Variants in TRIM71 observed in about 807,000 individuals in gnomAD.
The protein encoded by TRIM71 is tripartite motif containing 71.
A neutral mutation model predicts 61.2 loss-of-function variants in TRIM71; 9 were observed. That is an observed-to-expected ratio of 0.15 (90% CI 0.09 to 0.26). The LOEUF (loss-of-function observed/expected upper bound fraction) is 0.26, where lower values mean the gene tolerates loss of function less well. TRIM71 is among the 10% of genes least tolerant of loss of function. The probability of loss-of-function intolerance (pLI) is 1.00; values close to 1 mark genes in which losing one functional copy is unlikely to be tolerated. For synonymous variants in TRIM71, 645 were observed against 553.2 expected (o/e 1.17, Z -2.33); for missense variants, 998 against 1,238.7 (o/e 0.81, Z 2.92).
Position 32,818,703 on chromosome 3 carries a change from C to T in TRIM71, c.623C>T (p.Ala208Val), listed in dbSNP as rs1436050046. 17 of 1,584,320 alleles carry T rather than the reference C, an allele frequency of 1.1e-5. No individual in the cohort carries two copies. The highest frequency in any genetic ancestry group is 1.3e-5 in the Non-Finnish European group (15 of 1,172,254). ...GCSSCDEGNA[A>V]SSRCLDCQEH... ...AGCTCGTGCGATGAGGGCAACGCAGCTTCTTCGCGCTGCCTCGACTGCCAG... is the reference window on the plus strand; with the variant it reads ...AGCTCGTGCGATGAGGGCAACGCAGTTTCTTCGCGCTGCCTCGACTGCCAG... The change falls in exon 1 of 4, where the codon GCT becomes GTT. Residue 208 changes from alanine to valine, a missense_variant. Coordinates refer to ENST00000383763, the MANE Select transcript of TRIM71 (RefSeq NM_001039111.3).
chr3:32,827,703 G>A (rs1418649976), intron 1 of TRIM71, among the ~76,000 whole-genome samples: 2 of 152,200 alleles, frequency 1.3e-5, no homozygotes, highest in East Asian at 3.8e-4. Flanking sequence ...TGTAGACTGA[G>A]GACATACCCT....
At chr3:32,820,347 CTTG>C (rs1246296797) in intron 1 of TRIM71, among the ~76,000 whole-genome samples, 1 of 152,204 alleles carries the variant, frequency 6.6e-6, no homozygotes, top group Non-Finnish European at 1.5e-5. Flanking sequence ...TTCTAATCTA[CTTG>C]TTGTAGGCAT....
intron 1 of TRIM71, among the ~76,000 whole-genome samples, chr3:32,832,547 C>G (rs1410331614): frequency 6.6e-6 from 1 of 152,140 alleles, no homozygotes; most frequent in Non-Finnish European, 1.5e-5. Flanking sequence ...GGGGAATAGT[C>G]AGGTGTGGTG....
intron 1 of TRIM71, among the ~76,000 whole-genome samples, chr3:32,866,329 A>G (rs764481558): frequency 2.6e-5 from 4 of 151,618 alleles, no homozygotes; most frequent in Non-Finnish European, 4.4e-5. Context: ...CCTCACTGCA[A>G]TCTCTGCCCC....
chr3:32,861,516 CCG>C (rs147323516), intron 1 of TRIM71, among the ~76,000 whole-genome samples: 2,545 of 151,926 alleles, frequency 0.017, 61 homozygotes, highest in East Asian at 0.12. Context: ...GAGGAACACT[CCG>C]GAGTTCAAGA....
intron 1 of TRIM71, among the ~76,000 whole-genome samples, chr3:32,830,415 G>A (rs887284980): frequency 1.3e-5 from 2 of 152,108 alleles, no homozygotes; most frequent in East Asian, 1.9e-4. Flanking sequence ...ATTTAGCAAG[G>A]GAGAAAGCTT....
intron 1 of TRIM71, among the ~76,000 whole-genome samples, chr3:32,862,642 T>G (rs1193242993): frequency 6.6e-6 from 1 of 152,214 alleles, no homozygotes; most frequent in African/African-American, 2.4e-5. Flanking sequence ...GCTGGAAAAC[T>G]TGTGTGTCTA....
At position 32,893,358 on chromosome 3, in the gene TRIM71, A is replaced by C. The variant is rs943900283; in HGVS notation, c.*1547A>C. 5 of 152,316 alleles carry C rather than the reference A, an allele frequency of 3.3e-5. No homozygotes were observed. Among genetic ancestry groups the C allele is most frequent in the Non-Finnish European group, 5.9e-5 (4 of 68,042 alleles). 9.4% of individuals were successfully genotyped at this position (152,316 alleles called of 1,614,324 possible). On this transcript the variant is annotated 3_prime_UTR_variant, in exon 4 of 4. Coordinates refer to ENST00000383763, the MANE Select transcript of TRIM71 (RefSeq NM_001039111.3). ...TGGGGTAGAATCTGTGTCACTTTAC[A>C]GGATTGGTTGGTTGTAAGCTGGACT...
Position 32,826,507 on chromosome 3 carries a change from T to G in TRIM71, c.852+7575T>G, listed in dbSNP as rs188238717. Among the ~76,000 whole-genome samples the G allele has an allele frequency of 9.9e-4, 151 of 151,872 alleles. No homozygotes were observed. The Middle Eastern group carries it at 0.027, about 27-fold the overall frequency. ...TTAGACTTAGGCTAATAGTTTTTTT[T>G]GTCATCCTTACTGTAGATTTTCTAC... On this transcript the variant is annotated intron_variant, in intron 1 of 3. Transcript: ENST00000383763.
At chr3:32,886,456 A>AGTTTTCC (rs1696962971) in intron 3 of TRIM71, among the ~76,000 whole-genome samples, 1 of 152,168 alleles carries the variant, frequency 6.6e-6, no homozygotes, top group African/African-American at 2.4e-5. Flanking sequence ...GTGGAAAACC[A>AGTTTTCC]GTTTTCCTCT....
intron 1 of TRIM71, among the ~76,000 whole-genome samples, chr3:32,850,182 T>C (rs1327552030): frequency 6.6e-6 from 1 of 152,244 alleles, no homozygotes; most frequent in East Asian, 1.9e-4. Context: ...TTTAAAATAC[T>C]AATCCTGTGG....
intron 1 of TRIM71, among the ~76,000 whole-genome samples, chr3:32,845,495 G>A (rs902606558): frequency 5.3e-5 from 8 of 152,156 alleles, no homozygotes; most frequent in Admixed American, 5.2e-4. Flanking sequence ...CCCTCTAGCG[G>A]GTTTGCAAGG....
intron 3 of TRIM71, among the ~76,000 whole-genome samples, chr3:32,887,517 C>G (rs1426572559): frequency 7.3e-6 from 1 of 136,444 alleles, no homozygotes; most frequent in African/African-American, 2.7e-5. Context: ...TCCTTCCCAG[C>G]AAATCCCTCT....
chr3:32,857,886 G>A (rs1463542379), intron 1 of TRIM71, among the ~76,000 whole-genome samples: 3 of 152,054 alleles, frequency 2.0e-5, no homozygotes, highest in Non-Finnish European at 4.4e-5. Context: ...CATGAGAATC[G>A]CTTGAACCCA....
Position 32,890,667 on chromosome 3 carries a change from A to T in TRIM71, c.1463A>T (p.Lys488Met). 6.2e-7 allele frequency: 1 copy of T among 1,613,968 alleles called. No individual in the cohort carries two copies. Among genetic ancestry groups the T allele is most frequent in the African/African-American group, 1.3e-5 (1 of 75,072 alleles). The change falls in exon 4 of 4, where the codon AAG becomes ATG. Residue 488 changes from lysine (K) to methionine (M), a missense_variant. Coordinates refer to ENST00000383763, the MANE Select transcript of TRIM71 (RefSeq NM_001039111.3). This position sits in a 1 kb window ranked among gnomAD's most constrained non-coding sequence, Gnocchi z 6.2. The part of the protein sequence containing the change: ...VSSGAFAPLT[K>M]ATGDGLKRAL... The stretch of plus-strand genomic sequence containing the variant: ...AGCGGGGCCTTTGCCCCACTCACCA[A>T]GGCCACAGGCGATGGCCTCAAGCGT...
intron 1 of TRIM71, among the ~76,000 whole-genome samples, chr3:32,861,960 T>C (rs1366310538): frequency 2.0e-5 from 3 of 152,248 alleles, no homozygotes; most frequent in South Asian, 2.1e-4. Context: ...ACGTGTGTGC[T>C]ATCCACTGCT....
At chr3:32,834,302 ATGT>A (rs1460069883) in intron 1 of TRIM71, among the ~76,000 whole-genome samples, 1 of 151,920 alleles carries the variant, frequency 6.6e-6, no homozygotes, top group Non-Finnish European at 1.5e-5. Flanking sequence ...AGTCTAGATG[ATGT>A]TTGGGACTTG....
chr3:32,896,887 CT>C lies in TRIM71; in HGVS notation c.*5079del, dbSNP rs1227277473. The C allele has an allele frequency of 6.6e-6, 1 of 152,166 alleles. No individual in the cohort carries two copies. Among genetic ancestry groups the C allele is most frequent in the Non-Finnish European group, 1.5e-5 (1 of 68,024 alleles). The allele number at this position is 152,166 out of a possible 1,614,324, so 9.4% of individuals were successfully genotyped here. On this transcript the variant is annotated 3_prime_UTR_variant, in exon 4 of 4. Transcript: ENST00000383763. ...AACCAGCTCTGTAACTCTGTAAGTTCTTTGTGTTTCTAGCAGTCTGTGTAGT... is the reference window on the plus strand; with the variant it reads ...AACCAGCTCTGTAACTCTGTAAGTTCTTGTGTTTCTAGCAGTCTGTGTAGT...
intron 1 of TRIM71, among the ~76,000 whole-genome samples, chr3:32,846,658 CT>C (rs1293553224): frequency 2.6e-5 from 4 of 151,472 alleles, no homozygotes; most frequent in South Asian, 2.1e-4. Flanking sequence ...GCACCCACCC[CT>C]GTCCCCAGCC....
Sources: allele counts gnomAD v4.1 joint callset (sites outside exome capture counted in the v4.1 genomes callset), GRCh38; gene constraint gnomAD v4.1.1; non-coding constraint Gnocchi (gnomAD v3.1); transcripts MANE v1.5; gene names NCBI Gene and HGNC (gene_info 2026-07-23, HGNC 2026-07-21).